The following FSTL5 variants were observed in gnomAD, a reference collection of about 807,000 sequenced individuals.
FSTL5 encodes the protein follistatin like 5, also known as follistatin-related protein 5.
Under a neutral mutation model 89.1 loss-of-function variants are expected in FSTL5, and 62 were observed. That is an observed-to-expected ratio of 0.70 (90% CI 0.57 to 0.86). The LOEUF (loss-of-function observed/expected upper bound fraction) is 0.86, where lower values mean the gene tolerates loss of function less well. FSTL5 is among the 40% of genes least tolerant of loss of function. The pLI is 0.00. For synonymous variants in FSTL5, 383 were observed against 346.2 expected (o/e 1.11, Z -1.18); for missense variants, 1,057 against 1,001.6 (o/e 1.06, Z -0.75).
chr4:161,535,198 C>T (rs2126535631), intron 10 of FSTL5, among the ~76,000 whole-genome samples: 1 of 152,068 alleles, frequency 6.6e-6, no homozygotes, highest in East Asian at 1.9e-4. Flanking sequence ...AAAGCAATCG[C>T]AACAGAATAA....
intron 5 of FSTL5, among the ~76,000 whole-genome samples, chr4:161,768,492 G>C (rs1211135278): frequency 1.3e-5 from 2 of 151,898 alleles, no homozygotes; most frequent in Non-Finnish European, 2.9e-5. Flanking sequence ...ATTATATCTA[G>C]GGTGTAAGGA....
chr4:161,696,313 C>G (rs1329667448), intron 6 of FSTL5, among the ~76,000 whole-genome samples: 1 of 152,002 alleles, frequency 6.6e-6, no homozygotes, highest in African/African-American at 2.4e-5. Flanking sequence ...GTTCCATTGG[C>G]CTTTATGACT....
intron 3 of FSTL5, among the ~76,000 whole-genome samples, chr4:161,964,228 T>C (rs1735260945): frequency 6.6e-6 from 1 of 152,014 alleles, no homozygotes; most frequent in South Asian, 2.1e-4. Flanking sequence ...GGCAGTCATC[T>C]GCCTGAGGTG....
chr4:161,590,978 C>G (rs554941775), intron 7 of FSTL5, among the ~76,000 whole-genome samples: 1 of 152,200 alleles, frequency 6.6e-6, no homozygotes, highest in African/African-American at 2.4e-5. Context: ...TGCAAATGTG[C>G]ATAGCTATAT....
At chr4:161,572,339 AAAAAAGAG>A (rs1348332827) in intron 8 of FSTL5, among the ~76,000 whole-genome samples, 1 of 150,124 alleles carries the variant, frequency 6.7e-6, no homozygotes, top group Non-Finnish European at 1.5e-5. Context: ...AAAAAAAAAA[AAAAAAGAG>A]AGAGAGAGAG....
chr4:161,794,762 C>G (rs1729579737), intron 4 of FSTL5, among the ~76,000 whole-genome samples: 1 of 152,084 alleles, frequency 6.6e-6, no homozygotes, highest in Non-Finnish European at 1.5e-5. Context: ...ATTCATTTAT[C>G]TATTACCTGC....
chr4:161,418,260 T>C (rs1294504387), intron 15 of FSTL5, among the ~76,000 whole-genome samples: 1 of 152,166 alleles, frequency 6.6e-6, no homozygotes, highest in Non-Finnish European at 1.5e-5. Flanking sequence ...GGATAATCTC[T>C]GTCCGCCATG....
intron 1 of FSTL5, among the ~76,000 whole-genome samples, chr4:162,154,426 A>G (rs1238561659): frequency 6.6e-6 from 1 of 152,160 alleles, no homozygotes; most frequent in Non-Finnish European, 1.5e-5. Context: ...AATCTAAAGT[A>G]TATTTCTTGC....
chr4:161,407,409 G>A (rs537264859), intron 15 of FSTL5, among the ~76,000 whole-genome samples: 4 of 152,260 alleles, frequency 2.6e-5, no homozygotes, highest in East Asian at 3.9e-4. Flanking sequence ...AGATGCAGTC[G>A]CCGATCCTGA....
intron 1 of FSTL5, among the ~76,000 whole-genome samples, chr4:162,141,324 C>T (rs1732737036): frequency 8.5e-6 from 1 of 117,292 alleles, no homozygotes; most frequent in East Asian, 2.5e-4. Flanking sequence ...ACCATGTTAG[C>T]CAGGATGGTC....
chr4:161,605,804 T>C (rs1248520313), intron 7 of FSTL5, among the ~76,000 whole-genome samples: 3 of 152,224 alleles, frequency 2.0e-5, no homozygotes, highest in Non-Finnish European at 4.4e-5. Context: ...ATTTCATTGA[T>C]GGTCTTAATT....
intron 3 of FSTL5, among the ~76,000 whole-genome samples, chr4:161,980,384 G>C (rs1342074505): frequency 6.6e-6 from 1 of 152,088 alleles, no homozygotes. Flanking sequence ...AGAAGTAGCA[G>C]CTGCTTAAGA....
intron 4 of FSTL5, among the ~76,000 whole-genome samples, chr4:161,846,357 C>G (rs920971012): frequency 6.6e-6 from 1 of 151,704 alleles, no homozygotes; most frequent in Non-Finnish European, 1.5e-5. Context: ...ATTTGTGTTA[C>G]AAATTCTTCT....
intron 6 of FSTL5, among the ~76,000 whole-genome samples, chr4:161,690,099 A>G (rs1737878995): frequency 6.6e-6 from 1 of 152,122 alleles, no homozygotes; most frequent in Admixed American, 6.5e-5. Context: ...TACATAAACA[A>G]GTATTTACTT....
chr4:162,151,107 C>G (rs943865755), intron 1 of FSTL5, among the ~76,000 whole-genome samples: 1 of 152,008 alleles, frequency 6.6e-6, no homozygotes, highest in African/African-American at 2.4e-5. Flanking sequence ...AGTTTTGTTT[C>G]TTTTTCCAGA....
At chr4:161,743,486 C>T (rs1006933043) in intron 6 of FSTL5, among the ~76,000 whole-genome samples, 2 of 152,024 alleles carry the variant, frequency 1.3e-5, no homozygotes, top group African/African-American at 4.8e-5. Flanking sequence ...AATGACATCC[C>T]CTCCATCTTT....
chr4:161,580,281 C>A (rs2126598322), intron 8 of FSTL5, among the ~76,000 whole-genome samples: 1 of 152,180 alleles, frequency 6.6e-6, no homozygotes, highest in South Asian at 2.1e-4. Flanking sequence ...TATTATAGTT[C>A]AAAGTCTTCT....
intron 3 of FSTL5, among the ~76,000 whole-genome samples, chr4:161,976,482 G>C (rs761975188): frequency 1.3e-5 from 2 of 151,992 alleles, no homozygotes; most frequent in Non-Finnish European, 2.9e-5. Context: ...AGTTGGTTTT[G>C]TTGTTGTTGT....
At chr4:161,423,547 T>A (rs1732061622) in intron 15 of FSTL5, among the ~76,000 whole-genome samples, 1 of 152,284 alleles carries the variant, frequency 6.6e-6, no homozygotes, top group Non-Finnish European at 1.5e-5. Flanking sequence ...TTTTTTGGCA[T>A]GATAGCTCAC....
Sources: gnomAD v4.1 joint callset for allele counts (sites outside exome capture counted in the v4.1 genomes callset) on GRCh38, gnomAD v4.1.1 for gene constraint, MANE v1.5 for transcripts, NCBI Gene and HGNC (gene_info 2026-07-23, HGNC 2026-07-21) for gene names.